The following MBD2 variants were observed in gnomAD, a reference collection of about 807,000 sequenced individuals.
MBD2 encodes the protein methyl-CpG binding domain protein 2, also known as methyl-CpG-binding domain protein 2.
Under a neutral mutation model 39.3 loss-of-function variants are expected in MBD2, and 9 were observed. That is an observed-to-expected ratio of 0.23 (90% CI 0.14 to 0.40). The LOEUF is 0.40. Among genes scored for constraint, MBD2 ranks in the 10% least tolerant of loss-of-function variants. The pLI is 1.00. For missense variants in MBD2, 458 were observed against 532.6 expected, an observed-to-expected ratio of 0.86 and a Z score of 1.38; for synonymous variants, 233 against 211.1, an observed-to-expected ratio of 1.10 and a Z score of -0.90.
At chr18:54,156,551 T>C (rs187683284) in intron 6 of MBD2, among the ~76,000 whole-genome samples, 8 of 152,202 alleles carry the variant, frequency 5.3e-5, no homozygotes, top group Non-Finnish European at 8.8e-5. Context: ...CAAAGTAATC[T>C]GTAAAGGAAG....
chr18:54,217,549 T>C (rs2144351936), intron 1 of MBD2, among the ~76,000 whole-genome samples: 1 of 152,316 alleles, frequency 6.6e-6, no homozygotes, highest in South Asian at 2.1e-4. Context: ...TTATTTCTAA[T>C]TCATCATGCA....
intron 1 of MBD2, among the ~76,000 whole-genome samples, chr18:54,214,046 CAGT>C (rs2086534122): frequency 1.4e-5 from 2 of 144,312 alleles, no homozygotes; most frequent in African/African-American, 2.6e-5. Context: ...CCTGATAAAA[CAGT>C]AGTTCTCTTT....
At chr18:54,222,051 A>G (rs1415598243) in intron 1 of MBD2, among the ~76,000 whole-genome samples, 1 of 152,250 alleles carries the variant, frequency 6.6e-6, no homozygotes, top group African/African-American at 2.4e-5. Flanking sequence ...CTATTCCTCA[A>G]GGAGTTCAAT....
intron 3 of MBD2, among the ~76,000 whole-genome samples, chr18:54,177,422 A>T (rs901837663): frequency 1.3e-5 from 2 of 152,196 alleles, no homozygotes; most frequent in African/African-American, 4.8e-5. Flanking sequence ...TTAGTTCTTT[A>T]TAAGAAGATG....
intron 1 of MBD2, among the ~76,000 whole-genome samples, chr18:54,206,751 A>G (rs561559537): frequency 6.7e-6 from 1 of 149,348 alleles, no homozygotes. Context: ...TGAAAATAAC[A>G]ACCAGTAACA....
At chr18:54,168,599 T>TATATA (rs2086154505) in intron 3 of MBD2, among the ~76,000 whole-genome samples, 2 of 104,552 alleles carry the variant, frequency 1.9e-5, no homozygotes, top group African/African-American at 9.2e-5. Context: ...ATATATATAT[T>TATATA]TATGTATGCA....
chr18:54,192,702 C>T (rs2086330220), intron 2 of MBD2, among the ~76,000 whole-genome samples: 1 of 152,192 alleles, frequency 6.6e-6, no homozygotes, highest in Non-Finnish European at 1.5e-5. Context: ...CTACTCTAAA[C>T]TGTTTCAAAC....
At chr18:54,168,028 T>A (rs2086148109) in intron 3 of MBD2, among the ~76,000 whole-genome samples, 1 of 150,270 alleles carries the variant, frequency 6.7e-6, no homozygotes, top group Non-Finnish European at 1.5e-5. Context: ...AGGATAAGAT[T>A]AGTAAGTGCT....
chr18:54,211,024 A>T (rs1400345188), intron 1 of MBD2, among the ~76,000 whole-genome samples: 2 of 150,718 alleles, frequency 1.3e-5, no homozygotes, highest in Non-Finnish European at 3.0e-5. Flanking sequence ...GGCGCCCGCC[A>T]CTACGCCCGG....
intron 3 of MBD2, among the ~76,000 whole-genome samples, chr18:54,172,487 AT>A (rs1437601671): frequency 6.6e-6 from 1 of 152,162 alleles, no homozygotes; most frequent in Admixed American, 6.5e-5. Flanking sequence ...AGGCTTTTGA[AT>A]TTTTTCTTAA....
At position 54,159,797 on chromosome 18, in the gene MBD2, C is replaced by T. The variant is rs1295213709; in HGVS notation, c.1216G>A (p.Asp406Asn). The change falls in exon 6 of 7, where the codon GAC becomes AAC. Residue 406 changes from aspartate (D) to asparagine (N), a missense_variant. Physicochemically the swap from Asp to Asn is conservative, Grantham distance 23. Transcript: ENST00000256429. ...ADTEEMDIEM[D>N]SGDEA ...TATTCTTAGGCTTCATCTCCACTGTCCATTTCAATATCCATCTCTTCTGTA... is the reference window on the plus strand; with the variant it reads ...TATTCTTAGGCTTCATCTCCACTGTTCATTTCAATATCCATCTCTTCTGTA... 6.2e-7 allele frequency: 1 copy of T among 1,611,462 alleles called. No individual in the cohort carries two copies. The highest frequency in any genetic ancestry group is 1.3e-5 in the African/African-American group (1 of 75,048).
At position 54,153,882 on chromosome 18, in the gene MBD2, AG is replaced by A. The variant is rs2086036583; in HGVS notation, c.*1441del. On this transcript the variant is annotated 3_prime_UTR_variant, in exon 7 of 7. Coordinates refer to ENST00000256429, the MANE Select transcript of MBD2 (RefSeq NM_003927.5). ...CAGGAATTCCAAGAAGTATTTATGT[AG>A]TTTGGCATAAAAGTCCAGGAAAAAC... is the stretch of plus-strand genomic sequence containing the variant. 1 of 152,318 alleles carries A rather than the reference AG, an allele frequency of 6.6e-6. No homozygotes were observed. The highest frequency in any genetic ancestry group is 2.4e-5 in the African/African-American group (1 of 41,448). 9.4% of individuals were successfully genotyped at this position (152,318 alleles called of 1,614,324 possible).
intron 2 of MBD2, among the ~76,000 whole-genome samples, chr18:54,197,247 C>T (rs182868111): frequency 1.3e-5 from 2 of 152,300 alleles, no homozygotes; most frequent in African/African-American, 4.8e-5. Context: ...CTACATTTTC[C>T]ACACACAGTC....
At chr18:54,214,589 C>T (rs908580872) in intron 1 of MBD2, among the ~76,000 whole-genome samples, 3 of 152,120 alleles carry the variant, frequency 2.0e-5, no homozygotes, top group African/African-American at 7.2e-5. Context: ...ATACAGTAAA[C>T]CTTCACATAA....
chr18:54,223,987 C>A, intron 1 of MBD2, 31 bp downstream of exon 1: 1 of 1,488,350 alleles, frequency 6.7e-7, no homozygotes, highest in Non-Finnish European at 9.2e-7. Context: ...GGCCTGACCC[C>A]GCCACCCCCT....
chr18:54,200,795 T>C (rs1372087131), intron 2 of MBD2, among the ~76,000 whole-genome samples: 1 of 152,116 alleles, frequency 6.6e-6, no homozygotes, highest in East Asian at 1.9e-4. Context: ...AACTAAAAAT[T>C]GAGGCCGAGC....
rs778428172 is a variant in MBD2, at chr18:54,188,364, T to C, written c.840+510A>G. On this transcript the variant is annotated intron_variant, in intron 3 of 6. Transcript: ENST00000256429. ...TTGAAGCAATAAAGAAAGAGAAAAA[T>C]AAATTGAATTGGTACAAAAATGGAA... is the stretch of plus-strand genomic sequence containing the variant. 7.9e-5 allele frequency among the ~76,000 whole-genome samples: 12 copies of C among 152,128 alleles called. No individual in the cohort carries two copies. The South Asian group carries it at 2.3e-3, about 29-fold the overall frequency.
chr18:54,183,511 CAGAA>C (rs1366561285), intron 3 of MBD2, among the ~76,000 whole-genome samples: 4 of 152,192 alleles, frequency 2.6e-5, no homozygotes, highest in African/African-American at 9.6e-5. Flanking sequence ...GCAAATGTTT[CAGAA>C]AGAGAGGTAG....
intron 3 of MBD2, among the ~76,000 whole-genome samples, chr18:54,169,512 A>G (rs995873191): frequency 6.6e-6 from 1 of 152,136 alleles, no homozygotes. Context: ...GATTCTGTTC[A>G]CTTGGAGGTC....
Sources: allele counts gnomAD v4.1 joint callset (sites outside exome capture counted in the v4.1 genomes callset), GRCh38; gene constraint gnomAD v4.1.1; transcripts MANE v1.5; gene names NCBI Gene and HGNC (gene_info 2026-07-23, HGNC 2026-07-21).